Variants in PDCD6 observed in about 807,000 individuals in gnomAD.
The protein encoded by PDCD6 is programmed cell death protein 6.
Under a neutral mutation model 28.3 loss-of-function variants are expected in PDCD6, and 12 were observed. The observed-to-expected ratio is 0.42, with a 90% confidence interval of 0.27 to 0.69. The LOEUF (loss-of-function observed/expected upper bound fraction) is 0.69. PDCD6 is among the 30% of genes least tolerant of loss of function. The probability of loss-of-function intolerance (pLI) is 0.22; values close to 1 mark genes in which losing one functional copy is unlikely to be tolerated. For synonymous variants in PDCD6, 92 were observed against 108.0 expected (o/e 0.85, Z 0.92); for missense variants, 226 against 269.9 (o/e 0.84, Z 1.14).
intron 2 of PDCD6, chr5:289,548 T>C (rs1739189979): frequency 1.3e-6 from 1 of 763,408 alleles, no homozygotes; most frequent in Admixed American, 1.9e-5. Context: ...CTTGAATGGC[T>C]GTTTCTCTGA....
intron 2 of PDCD6, among the ~76,000 whole-genome samples, chr5:302,141 A>G (rs1049320725): frequency 8.3e-6 from 1 of 120,786 alleles, no homozygotes; most frequent in Non-Finnish European, 1.7e-5. Context: ...CTTTGTGGGA[A>G]TAGCACAGCT....
Position 298,167 on chromosome 5 carries a change from C to T in PDCD6, c.164-6010C>T, listed in dbSNP as rs538762587. On this transcript the variant is annotated intron_variant, in intron 2 of 5. Coordinates refer to ENST00000264933, the MANE Select transcript of PDCD6 (RefSeq NM_013232.4). The stretch of plus-strand genomic sequence containing the variant: ...TCAGGGGTAATTCCCAGGCACGGGT[C>T]GAGCTGGAGAAGCTGGGGGCCCCCA... Among the ~76,000 whole-genome samples the T allele has an allele frequency of 5.9e-5, 9 of 152,256 alleles. No homozygotes were observed. In the East Asian group the frequency reaches 9.7e-4, roughly 16 times the overall value.
At chr5:281,659 CAG>C (rs1462754737) in intron 2 of PDCD6, among the ~76,000 whole-genome samples, 4 of 152,158 alleles carry the variant, frequency 2.6e-5, no homozygotes, top group Middle Eastern at 3.4e-3. Flanking sequence ...GCTGGAGACA[CAG>C]GGAGGAGCTG....
chr5:314,772 ATTCTGCTTGC>A lies in PDCD6; in HGVS notation c.*258_*267del. On this transcript the variant is annotated 3_prime_UTR_variant, in exon 6 of 6. Transcript: ENST00000264933. ...ATGAGGTAAATGTAATGTTTCAGGCATTCTGCTTGCAAAAAAATCTATCATGTGCTTTTCT... is the reference window on the plus strand; with the variant it reads ...ATGAGGTAAATGTAATGTTTCAGGCAAAAAAAATCTATCATGTGCTTTTCT... 2 of 551,290 alleles carry A rather than the reference ATTCTGCTTGC, an allele frequency of 3.6e-6. No individual in the cohort carries two copies. The highest frequency in any genetic ancestry group is 1.9e-5 in the South Asian group (1 of 52,178). 34.1% of individuals were successfully genotyped at this position (551,290 alleles called of 1,614,324 possible).
At chr5:302,410 A>C (rs2672772) in intron 2 of PDCD6, among the ~76,000 whole-genome samples, 1 of 91,364 alleles carries the variant, frequency 1.1e-5, no homozygotes, top group African/African-American at 7.6e-5. Context: ...TGTATGCCTC[A>C]GGTTCAGGTG....
intron 2 of PDCD6, among the ~76,000 whole-genome samples, chr5:279,402 C>T (rs1291255867): frequency 6.6e-6 from 1 of 152,092 alleles, no homozygotes; most frequent in East Asian, 1.9e-4. Context: ...TATGCGTGCC[C>T]CAGGGAACGG....
Position 311,605 on chromosome 5 carries a change from G to GA in PDCD6, c.477+204dup, listed in dbSNP as rs1242533408. 5 of 555,750 alleles carry GA rather than the reference G, an allele frequency of 9.0e-6. No individual in the cohort carries two copies. In the African/African-American group the frequency reaches 9.5e-5, roughly 11 times the overall value. 34.4% of individuals were successfully genotyped at this position (555,750 alleles called of 1,614,324 possible). On this transcript the variant is annotated intron_variant, in intron 5 of 5. Coordinates refer to ENST00000264933, the MANE Select transcript of PDCD6 (RefSeq NM_013232.4). ...TTTTCCTCCCCTTGGAAATGGCACAGAGCAGCCCATCTGCAAGACGTGGTT... is the reference window on the plus strand; with the variant it reads ...TTTTCCTCCCCTTGGAAATGGCACAGAAGCAGCCCATCTGCAAGACGTGGTT...
chr5:276,006 CTG>C (rs1280634618), intron 2 of PDCD6: 4 of 1,285,288 alleles, frequency 3.1e-6, no homozygotes, highest in Non-Finnish European at 3.0e-6. Context: ...CCTTTCATCT[CTG>C]TAGGATGAAG....
chr5:307,353 G>A lies in PDCD6; in HGVS notation c.367+593G>A, dbSNP rs369579876. Among the ~76,000 whole-genome samples the A allele has an allele frequency of 2.6e-5, 3 of 115,242 alleles. No homozygotes were observed. The highest frequency in any genetic ancestry group is 4.2e-4 in the East Asian group (2 of 4,806). The allele number at this position is 115,242 out of a possible 152,430, so 75.6% of individuals were successfully genotyped here. On this transcript the variant is annotated intron_variant, in intron 4 of 5. Transcript: ENST00000264933. The surrounding 1 kb of genome is among the most constrained non-coding windows in gnomAD (Gnocchi z 6.1). ...TGTGCTCGGCGTGTGTGTGCTCGGC[G>A]TGTGTGTGCACACGTGTGCCGTGCG...
intron 1 of PDCD6, 96 bp from the exon 2 acceptor site, chr5:272,615 A>C (rs1253374556): frequency 6.8e-7 from 1 of 1,461,890 alleles, no homozygotes; most frequent in Admixed American, 2.3e-5. Flanking sequence ...TCCAGGAGGG[A>C]GCCTTCCAGA....
At chr5:291,334 CTGAGCATCT>C (rs1411133348) in intron 2 of PDCD6, among the ~76,000 whole-genome samples, 1 of 152,220 alleles carries the variant, frequency 6.6e-6, no homozygotes, top group Non-Finnish European at 1.5e-5. Context: ...CTGCATGGCT[CTGAGCATCT>C]GCTCTGTCTA....
At chr5:279,168 G>C (rs1738406532) in intron 2 of PDCD6, among the ~76,000 whole-genome samples, 1 of 150,086 alleles carries the variant, frequency 6.7e-6, no homozygotes, top group Non-Finnish European at 1.5e-5. Context: ...TCTTGCCATG[G>C]GTGATTTAAT....
At chr5:290,165 C>G (rs564145098) in intron 2 of PDCD6, 1 of 1,591,518 alleles carries the variant, frequency 6.3e-7, no homozygotes, top group East Asian at 2.2e-5. Context: ...ATCACTTTCT[C>G]CAGTTTGAAA....
chr5:296,774 GT>G (rs1346927057), intron 2 of PDCD6, among the ~76,000 whole-genome samples: 6 of 152,160 alleles, frequency 3.9e-5, no homozygotes, highest in Non-Finnish European at 7.3e-5. Flanking sequence ...TTGCACATGG[GT>G]GGGGGGGCCC....
chr5:279,360 GC>G (rs1318294554), intron 2 of PDCD6, among the ~76,000 whole-genome samples: 1 of 152,072 alleles, frequency 6.6e-6, no homozygotes, highest in African/African-American at 2.4e-5. Context: ...TGCCAGGCCT[GC>G]CCTCTTAGGC....
intron 2 of PDCD6, 29 bp from the exon 3 acceptor site, chr5:304,148 C>CT: frequency 1.7e-6 from 2 of 1,206,458 alleles, no homozygotes; most frequent in Non-Finnish European, 2.4e-6. Context: ...TTTCCTTTTA[C>CT]TTTAACTCCT....
chr5:313,203 C>A (rs1310075167), intron 5 of PDCD6, among the ~76,000 whole-genome samples: 1 of 152,214 alleles, frequency 6.6e-6, no homozygotes, highest in Non-Finnish European at 1.5e-5. Context: ...AAGCTGCAGA[C>A]CTCAAGTTAA....
intron 4 of PDCD6, chr5:310,997 G>A (rs974783594): frequency 5.3e-5 from 18 of 341,874 alleles, no homozygotes; most frequent in South Asian, 2.1e-4. Flanking sequence ...AGTGCTTCCC[G>A]GAGGTGAGTA....
chr5:302,513 GTA>G (rs1579534247), intron 2 of PDCD6, among the ~76,000 whole-genome samples: 1 of 142,050 alleles, frequency 7.0e-6, no homozygotes. Flanking sequence ...GTGTGTGTGT[GTA>G]TGCCTCGGGT....
Sources: gnomAD v4.1 joint callset for allele counts (sites outside exome capture counted in the v4.1 genomes callset) on GRCh38, gnomAD v4.1.1 for gene constraint, Gnocchi (gnomAD v3.1) non-coding constraint, MANE v1.5 for transcripts, NCBI Gene and HGNC (gene_info 2026-07-23, HGNC 2026-07-21) for gene names.